The following SACM1L variants were observed in gnomAD, a reference collection of about 807,000 sequenced individuals.
SACM1L encodes the protein SAC1 like phosphatidylinositide phosphatase.
A neutral mutation model predicts 89.5 loss-of-function variants in SACM1L; 32 were observed. That is an observed-to-expected ratio of 0.36 (90% CI 0.27 to 0.48). SACM1L has a LOEUF of 0.48. SACM1L is among the 20% of genes least tolerant of loss of function. The probability of loss-of-function intolerance (pLI) is 0.99; values close to 1 mark genes in which losing one functional copy is unlikely to be tolerated. For synonymous variants in SACM1L, 213 were observed against 232.8 expected (o/e 0.92, Z 0.77); for missense variants, 543 against 708.5 (o/e 0.77, Z 2.65).
chr3:45,692,124 C>G (rs1001942239), intron 1 of SACM1L, among the ~76,000 whole-genome samples: 7 of 152,154 alleles, frequency 4.6e-5, no homozygotes, highest in Admixed American at 1.3e-4. Flanking sequence ...GTTCTCTTTA[C>G]ATACTGGTCA....
chr3:45,691,716 G>A (rs1697995629), intron 1 of SACM1L, among the ~76,000 whole-genome samples: 1 of 151,968 alleles, frequency 6.6e-6, no homozygotes, highest in Non-Finnish European at 1.5e-5. Context: ...CTAGTCTCAA[G>A]CGAGCCTCCC....
chr3:45,738,922 A>C (rs752743060), intron 18 of SACM1L, 49 bp downstream of exon 18: 2 of 1,136,384 alleles, frequency 1.8e-6, no homozygotes, highest in Admixed American at 3.8e-5. Context: ...ATTGTGTCTG[A>C]AGGTATAGAT....
intron 3 of SACM1L, 100 bp from the exon 4 acceptor site, chr3:45,706,680 C>T: frequency 1.0e-6 from 1 of 984,440 alleles, no homozygotes. Context: ...ACAATATAGT[C>T]TCATTCTACT....
chr3:45,733,319 AT>A (rs1398851031), intron 13 of SACM1L, among the ~76,000 whole-genome samples: 3 of 152,198 alleles, frequency 2.0e-5, no homozygotes, highest in African/African-American at 7.2e-5. Flanking sequence ...CTTGGTTTGA[AT>A]TTAAGTTTTT....
intron 5 of SACM1L, among the ~76,000 whole-genome samples, chr3:45,711,716 TCAA>T: frequency 6.6e-6 from 1 of 152,174 alleles, no homozygotes; most frequent in South Asian, 2.1e-4. Context: ...TTTACATTGG[TCAA>T]TGTTTTTATG....
At chr3:45,689,669 A>G (rs915505532) in intron 1 of SACM1L, 172 bp downstream of exon 1, 11 of 751,370 alleles carry the variant, frequency 1.5e-5, no homozygotes, top group African/African-American at 1.2e-4. Flanking sequence ...CCGAGTAGCC[A>G]TAGGCCGGGA....
At chr3:45,689,531 CG>C (rs1402648953) in intron 1 of SACM1L, 34 bp downstream of exon 1, 2 of 1,552,938 alleles carry the variant, frequency 1.3e-6, no homozygotes, top group African/African-American at 2.7e-5. Context: ...TGAGGCGCGG[CG>C]GGCGGGGCGG....
At chr3:45,701,219 A>G (rs1189687557) in intron 1 of SACM1L, among the ~76,000 whole-genome samples, 1 of 152,076 alleles carries the variant, frequency 6.6e-6, no homozygotes, top group East Asian at 1.9e-4. Flanking sequence ...CTACCAAAGG[A>G]TGATGTCTTC....
rs150114846 is a variant in SACM1L at position 45,701,502 on chromosome 3, G to A, written c.33-1936G>A. ...TCCATAAAACATCTTCTGTAGATAC[G>A]GACTGAAATAGTGGGTTTAAAAAAA... On this transcript the variant is annotated intron_variant, in intron 1 of 19. Transcript: ENST00000389061. Among the ~76,000 whole-genome samples, 700 of 152,130 alleles carry A rather than the reference G, an allele frequency of 4.6e-3. 5 individuals carry two copies. Among genetic ancestry groups the A allele is most frequent in the African/African-American group, 0.015 (639 of 41,476 alleles).
intron 1 of SACM1L, among the ~76,000 whole-genome samples, chr3:45,701,200 T>C (rs923685926): frequency 9.2e-5 from 14 of 152,212 alleles, no homozygotes; most frequent in African/African-American, 2.7e-4. Context: ...ACAATGTATC[T>C]GTGCCAGCCT....
Position 45,719,716 on chromosome 3 carries a change from G to C in SACM1L, c.679+115G>C, listed in dbSNP as rs1698746158. ...CATTATCATTTGATAGCCTTGCTAA[G>C]TATTTATCTCCTGCTTCATTGTAAT... On this transcript the variant is annotated intron_variant, in intron 8 of 19. Coordinates refer to ENST00000389061, the MANE Select transcript of SACM1L (RefSeq NM_014016.5). 10 of 572,188 alleles carry C rather than the reference G, an allele frequency of 1.7e-5. No homozygotes were observed. The South Asian group carries it at 2.4e-4, about 14-fold the overall frequency. The allele number at this position is 572,188 out of a possible 1,614,324, so 35.4% of individuals were successfully genotyped here.
At chr3:45,731,476 C>G in intron 12 of SACM1L, 96 bp downstream of exon 12, 1 of 696,234 alleles carries the variant, frequency 1.4e-6, no homozygotes, top group Non-Finnish European at 2.3e-6. Flanking sequence ...TATGTTTCAG[C>G]TTGCATTTTT....
intron 1 of SACM1L, among the ~76,000 whole-genome samples, chr3:45,697,747 A>G (rs1403657799): frequency 6.6e-6 from 1 of 152,224 alleles, no homozygotes; most frequent in Non-Finnish European, 1.5e-5. Flanking sequence ...TAGGTATGGG[A>G]TCCCCTTGTC....
At position 45,689,398 on chromosome 3, in the gene SACM1L, A is replaced by G. The variant is rs1448896485; in HGVS notation, c.-68A>G. ...GCCGCTGTGCCAGGGTGACCGGTAG[A>G]GTTGTAGCCGAGGTGGCGGCGCGGG... On this transcript the variant is annotated 5_prime_UTR_variant, in exon 1 of 20. Transcript: ENST00000389061. The G allele has an allele frequency of 2.6e-6, 4 of 1,543,834 alleles. No homozygotes were observed. The highest frequency in any genetic ancestry group is 3.5e-6 in the Non-Finnish European group (4 of 1,141,410).
intron 4 of SACM1L, 97 bp from the exon 5 acceptor site, chr3:45,709,398 TTAA>T: frequency 9.3e-7 from 1 of 1,074,320 alleles, no homozygotes; most frequent in Non-Finnish European, 1.3e-6. Flanking sequence ...CCAGTAGTCT[TTAA>T]TGAGACTGGA....
intron 2 of SACM1L, among the ~76,000 whole-genome samples, chr3:45,703,823 G>A (rs1455526123): frequency 6.6e-6 from 1 of 152,086 alleles, no homozygotes; most frequent in Non-Finnish European, 1.5e-5. Flanking sequence ...TATTTTAACA[G>A]GATTGGTTTA....
chr3:45,729,073 G>GATTT (rs201695617), intron 11 of SACM1L, among the ~76,000 whole-genome samples: 15,910 of 151,232 alleles, frequency 0.11, 886 homozygotes, highest in East Asian at 0.14. Flanking sequence ...TACCTTTTTG[G>GATTT]ATTTATTTAT....
chr3:45,712,606 G>A (rs1317420536), intron 5 of SACM1L, among the ~76,000 whole-genome samples: 2 of 152,206 alleles, frequency 1.3e-5, no homozygotes, highest in African/African-American at 2.4e-5. Flanking sequence ...GGAGTGGCCA[G>A]AGATGAGATC....
chr3:45,699,117 C>A (rs1489181467), intron 1 of SACM1L, among the ~76,000 whole-genome samples: 4 of 152,012 alleles, frequency 2.6e-5, no homozygotes, highest in Admixed American at 2.0e-4. Flanking sequence ...CTTATGTATA[C>A]GGTTTAAAAG....
Sources: gnomAD v4.1 joint callset for allele counts (sites outside exome capture counted in the v4.1 genomes callset) on GRCh38, gnomAD v4.1.1 for gene constraint, MANE v1.5 for transcripts, NCBI Gene and HGNC (gene_info 2026-07-23, HGNC 2026-07-21) for gene names.